PDZD8: variants seen among roughly 807,000 people sequenced by gnomAD.
PDZD8 encodes PDZ domain containing 8, also known as PDZ domain-containing protein 8.
PDZD8 carries 14 observed loss-of-function variants against 85.8 expected under a neutral mutation model. The observed-to-expected ratio is 0.16, with a 90% CI of 0.11 to 0.26. The LOEUF (loss-of-function observed/expected upper bound fraction) is 0.26, where lower values mean the gene tolerates loss of function less well. Ranked by LOEUF, PDZD8 falls within the 10% of genes least tolerant of loss-of-function variation. The pLI is 1.00. For missense variants in PDZD8, 1,197 were observed against 1,424.3 expected (o/e 0.84, Z 2.57); for synonymous variants, 592 against 568.6 (o/e 1.04, Z -0.59).
Position 117,278,068 on chromosome 10 carries a change from G to T in PDZD8, c.*5200C>A, listed in dbSNP as rs1381924330. 1.3e-5 allele frequency: 2 copies of T among 152,092 alleles called. No homozygotes were observed. The highest frequency in any genetic ancestry group is 2.4e-5 in the African/African-American group (1 of 41,422). 9.4% of individuals were successfully genotyped at this position (152,092 alleles called of 1,614,324 possible). On this transcript the variant is annotated 3_prime_UTR_variant, in exon 5 of 5. Coordinates refer to ENST00000334464, the MANE Select transcript of PDZD8 (RefSeq NM_173791.5). ...TCTTACTGGATGAAGAAAATTGAGGGTACATGTACCTTATACTGTCAAGGT... is the reference window on the plus strand; with the variant it reads ...TCTTACTGGATGAAGAAAATTGAGGTTACATGTACCTTATACTGTCAAGGT...
At chr10:117,335,589 C>T (rs1290234855) in intron 2 of PDZD8, among the ~76,000 whole-genome samples, 2 of 151,998 alleles carry the variant, frequency 1.3e-5, no homozygotes, top group African/African-American at 4.8e-5. Flanking sequence ...TATTTAAAAG[C>T]GAAAATCAGT....
At chr10:117,324,208 C>CAAAAA (rs60898350) in intron 2 of PDZD8, among the ~76,000 whole-genome samples, 2 of 29,236 alleles carry the variant, frequency 6.8e-5, no homozygotes, top group African/African-American at 1.4e-4. Context: ...GACTCCATCT[C>CAAAAA]AAAAAAAAAA....
At chr10:117,285,675 A>C (rs1490018267) in intron 4 of PDZD8, 11 of 1,199,272 alleles carry the variant, frequency 9.2e-6, no homozygotes, top group Non-Finnish European at 1.2e-5. Context: ...GAATGTGCTG[A>C]TATCCTGGAG....
chr10:117,340,915 G>C (rs541581501), intron 2 of PDZD8, 65 bp downstream of exon 2: 2 of 1,559,952 alleles, frequency 1.3e-6, no homozygotes, highest in Non-Finnish European at 1.8e-6. Context: ...CACAAATACT[G>C]CTTAGGAATA....
chr10:117,318,776 G>A, intron 3 of PDZD8, 96 bp downstream of exon 3: 2 of 858,398 alleles, frequency 2.3e-6, no homozygotes, highest in Admixed American at 2.5e-5. Context: ...ATTTGCACAT[G>A]ACCAAAAATA....
chr10:117,307,859 G>A (rs1198860892), intron 3 of PDZD8, among the ~76,000 whole-genome samples: 1 of 151,938 alleles, frequency 6.6e-6, no homozygotes, highest in South Asian at 2.1e-4. Flanking sequence ...CTGTTTGAAG[G>A]CAAAAACAAA....
intron 1 of PDZD8, among the ~76,000 whole-genome samples, chr10:117,369,613 T>G (rs141606693): frequency 7.9e-4 from 120 of 152,294 alleles, no homozygotes; most frequent in African/African-American, 2.4e-3. Flanking sequence ...TATTTACTCC[T>G]CCAGTACGGG....
At chr10:117,327,649 GA>G (rs1471914836) in intron 2 of PDZD8, among the ~76,000 whole-genome samples, 1 of 152,090 alleles carries the variant, frequency 6.6e-6, no homozygotes, top group Non-Finnish European at 1.5e-5. Context: ...CCTGATTCAT[GA>G]ATCATGAATA....
chr10:117,332,650 G>T (rs1844439188), intron 2 of PDZD8, among the ~76,000 whole-genome samples: 3 of 151,722 alleles, frequency 2.0e-5, no homozygotes, highest in Non-Finnish European at 2.9e-5. Context: ...GGGATTACAG[G>T]CATATGCCAC....
chr10:117,314,084 T>C (rs1481106149), intron 3 of PDZD8: 1 of 152,210 alleles, frequency 6.6e-6, no homozygotes. Context: ...ACTTTGGCTC[T>C]TTGTATATGG....
chr10:117,347,791 G>C (rs554487474), intron 1 of PDZD8, among the ~76,000 whole-genome samples: 33 of 152,232 alleles, frequency 2.2e-4, no homozygotes, highest in Admixed American at 9.8e-4. Flanking sequence ...AGACAAGGGA[G>C]TAGAAAAAAA....
At chr10:117,360,684 C>T (rs80201890) in intron 1 of PDZD8, among the ~76,000 whole-genome samples, 3,327 of 151,720 alleles carry the variant, frequency 0.022, 110 homozygotes, top group African/African-American at 0.074. Flanking sequence ...ATGGTGCAGT[C>T]AAAACTGTAA....
At chr10:117,326,009 G>A (rs1005164484) in intron 2 of PDZD8, among the ~76,000 whole-genome samples, 6 of 152,042 alleles carry the variant, frequency 3.9e-5, no homozygotes, top group Non-Finnish European at 7.4e-5. Flanking sequence ...TCCCCTGCTC[G>A]CACTCAATCT....
rs57494461 is a variant in PDZD8 at position 117,281,351 on chromosome 10, C to CAAAAAA, written c.*1911_*1916dup. 2 of 113,934 alleles carry CAAAAAA rather than the reference C, an allele frequency of 1.8e-5. No homozygotes were observed. The highest frequency in any genetic ancestry group is 7.7e-5 in the African/African-American group (2 of 25,928). The allele number at this position is 113,934 out of a possible 1,614,324, so 7.1% of individuals were successfully genotyped here. ...CCTGGGAGACAGCGAGACTCTGTCT[C>CAAAAAA]AAAAAAAAAAAAAAAAAAAAAAAAA... is the stretch of plus-strand genomic sequence containing the variant. On this transcript the variant is annotated 3_prime_UTR_variant, in exon 5 of 5. Coordinates refer to ENST00000334464, the MANE Select transcript of PDZD8 (RefSeq NM_173791.5).
chr10:117,307,104 C>G (rs1398139870), intron 3 of PDZD8, among the ~76,000 whole-genome samples: 1 of 152,000 alleles, frequency 6.6e-6, no homozygotes, highest in East Asian at 1.9e-4. Context: ...GCTACTTATG[C>G]TTTAAGAACA....
intron 3 of PDZD8, among the ~76,000 whole-genome samples, chr10:117,318,184 TG>T (rs1483827322): frequency 6.6e-6 from 1 of 152,222 alleles, no homozygotes; most frequent in Non-Finnish European, 1.5e-5. Context: ...CAGATTTAAC[TG>T]GGTGTCCTCT....
chr10:117,347,487 GTC>G (rs1844728527), intron 1 of PDZD8, among the ~76,000 whole-genome samples: 1 of 152,116 alleles, frequency 6.6e-6, no homozygotes, highest in Non-Finnish European at 1.5e-5. Context: ...GAAGTCTCAT[GTC>G]TCCCTGAAAT....
Position 117,374,670 on chromosome 10 carries a change from G to A in PDZD8, c.558C>T (p.Cys186=), listed in dbSNP as rs1845260113. The part of the protein sequence containing the change: ...GPEGEALPAA[C]PEELAFEAEV... ...CCGCCTCGAAGGCCAGCTCCTCGGGGCAGGCGGCGGGCAGCGCCTCCCCTT... is the reference window on the plus strand; with the variant it reads ...CCGCCTCGAAGGCCAGCTCCTCGGGACAGGCGGCGGGCAGCGCCTCCCCTT... The change falls in exon 1 of 5, where the codon TGC becomes TGT. Residue 186 remains cysteine, a synonymous_variant. Transcript: ENST00000334464. This position sits in a 1 kb window ranked among gnomAD's most constrained non-coding sequence, Gnocchi z 7.8. The A allele has an allele frequency of 6.3e-7, 1 of 1,588,146 alleles. No individual in the cohort carries two copies. The highest frequency in any genetic ancestry group is 1.1e-5 in the South Asian group (1 of 88,742).
At chr10:117,344,515 G>A (rs1844670302) in intron 1 of PDZD8, among the ~76,000 whole-genome samples, 2 of 152,130 alleles carry the variant, frequency 1.3e-5, no homozygotes, top group African/African-American at 4.8e-5. Context: ...AGCCTCCCGA[G>A]TAGCTGGGAC....
Sources: gnomAD v4.1 joint callset for allele counts (sites outside exome capture counted in the v4.1 genomes callset) on GRCh38, gnomAD v4.1.1 for gene constraint, Gnocchi (gnomAD v3.1) non-coding constraint, MANE v1.5 for transcripts, NCBI Gene and HGNC (gene_info 2026-07-23, HGNC 2026-07-21) for gene names.